Variants in TAF3 observed in about 807,000 individuals in gnomAD.
TAF3 encodes transcription initiation factor TFIID subunit 3.
In TAF3, 7 loss-of-function variants were observed where a neutral mutation model predicts 80.6. That is an observed-to-expected ratio of 0.09 (90% CI 0.05 to 0.16). The LOEUF (loss-of-function observed/expected upper bound fraction) is 0.16, where lower values mean the gene tolerates loss of function less well. Among genes scored for constraint, TAF3 ranks in the 10% least tolerant of loss-of-function variants. The pLI is 1.00. For missense variants in TAF3, 921 were observed against 1,140.2 expected (o/e 0.81, Z 2.77); for synonymous variants, 444 against 446.1 (o/e 1.00, Z 0.06).
intron 4 of TAF3, among the ~76,000 whole-genome samples, chr10:8,004,740 C>T (rs992808723): frequency 4.6e-5 from 7 of 152,104 alleles, no homozygotes; most frequent in Non-Finnish European, 1.0e-4. Flanking sequence ...TATAGCTTCA[C>T]TTTGATGTGC....
chr10:7,884,349 C>G (rs1265172404), intron 2 of TAF3, among the ~76,000 whole-genome samples: 1 of 150,310 alleles, frequency 6.7e-6, no homozygotes. Context: ...GTACTTCCAG[C>G]TTTAGCCCTG....
At position 7,868,438 on chromosome 10, in the gene TAF3, A is replaced by T. The variant is rs146775096; in HGVS notation, c.409+43878A>T. ...CCATCAGGAGTGGAGGCAGTGTGAC[A>T]TAGCAGCCAAGCTCTAGTGACCATC... On this transcript the variant is annotated intron_variant, in intron 2 of 6. Transcript: ENST00000344293. 3.7e-3 allele frequency among the ~76,000 whole-genome samples: 562 copies of T among 152,202 alleles called. 4 individuals are homozygous for T. Among genetic ancestry groups the T allele is most frequent in the South Asian group, 0.02 (94 of 4,808 alleles).
intron 2 of TAF3, among the ~76,000 whole-genome samples, chr10:7,895,319 G>C (rs754278215): frequency 6.6e-6 from 1 of 152,142 alleles, no homozygotes; most frequent in Non-Finnish European, 1.5e-5. Flanking sequence ...TGCTGTATCT[G>C]TACAGCAATG....
At chr10:7,890,617 C>T (rs1837449816) in intron 2 of TAF3, among the ~76,000 whole-genome samples, 1 of 152,182 alleles carries the variant, frequency 6.6e-6, no homozygotes, top group Admixed American at 6.5e-5. Flanking sequence ...AGAATTTAAC[C>T]TTGCTTTTCT....
At chr10:7,843,692 T>A (rs1261100741) in intron 2 of TAF3, among the ~76,000 whole-genome samples, 1 of 151,862 alleles carries the variant, frequency 6.6e-6, no homozygotes, top group East Asian at 1.9e-4. Context: ...ATAATTGTGT[T>A]GCTTAATTAT....
At chr10:7,936,906 C>T (rs1837926740) in intron 2 of TAF3, among the ~76,000 whole-genome samples, 1 of 152,020 alleles carries the variant, frequency 6.6e-6, no homozygotes, top group Non-Finnish European at 1.5e-5. Context: ...ATAATTTTAC[C>T]TTTCCCAGAA....
intron 4 of TAF3, among the ~76,000 whole-genome samples, chr10:8,001,571 T>C (rs1349594547): frequency 6.6e-6 from 1 of 152,252 alleles, no homozygotes; most frequent in Non-Finnish European, 1.5e-5. Flanking sequence ...TTTTATGCCA[T>C]ATAAAATTGT....
intron 2 of TAF3, among the ~76,000 whole-genome samples, chr10:7,878,714 TATG>T (rs1270323005): frequency 6.7e-6 from 1 of 150,250 alleles, no homozygotes; most frequent in Non-Finnish European, 1.5e-5. Flanking sequence ...TGTATGTATG[TATG>T]TATGTATGTA....
At chr10:7,821,093 A>G (rs1276623743) in intron 1 of TAF3, among the ~76,000 whole-genome samples, 2 of 152,208 alleles carry the variant, frequency 1.3e-5, no homozygotes, top group African/African-American at 4.8e-5. Context: ...AGGTATTCCA[A>G]AGTCATCCAG....
chr10:7,988,345 T>G (rs1000109437), intron 4 of TAF3, among the ~76,000 whole-genome samples: 25 of 151,676 alleles, frequency 1.6e-4, no homozygotes, highest in African/African-American at 6.1e-4. Flanking sequence ...ATCCTAACAC[T>G]TTGGGAGGCC....
chr10:7,850,163 C>G (rs1837013605), intron 2 of TAF3, among the ~76,000 whole-genome samples: 1 of 152,104 alleles, frequency 6.6e-6, no homozygotes, highest in South Asian at 2.1e-4. Context: ...GTGTTATTTT[C>G]TATTCTTAGT....
chr10:7,905,325 G>T (rs1347336369), intron 2 of TAF3, among the ~76,000 whole-genome samples: 1 of 152,152 alleles, frequency 6.6e-6, no homozygotes, highest in Non-Finnish European at 1.5e-5. Flanking sequence ...TTCAGGGGAA[G>T]CCAATGATTT....
chr10:7,984,121 A>G (rs1156649140), intron 4 of TAF3, among the ~76,000 whole-genome samples: 1 of 152,122 alleles, frequency 6.6e-6, no homozygotes, highest in Non-Finnish European at 1.5e-5. Context: ...TCCCAAACCC[A>G]TAGATCTTCA....
intron 2 of TAF3, among the ~76,000 whole-genome samples, chr10:7,918,005 G>C (rs955424424): frequency 7.2e-5 from 11 of 152,190 alleles, no homozygotes; most frequent in African/African-American, 2.4e-4. Context: ...CAGGAAGGTA[G>C]CTGGGCCGGG....
At chr10:7,869,428 TTATTG>T (rs1191219976) in intron 2 of TAF3, among the ~76,000 whole-genome samples, 1 of 152,220 alleles carries the variant, frequency 6.6e-6, no homozygotes, top group Non-Finnish European at 1.5e-5. Context: ...CCAGCTTATT[TTATTG>T]TGAAGGTCTT....
intron 4 of TAF3, among the ~76,000 whole-genome samples, chr10:8,007,178 C>T (rs189526848): frequency 2.3e-4 from 35 of 152,184 alleles, no homozygotes; most frequent in African/African-American, 8.4e-4. Flanking sequence ...CTTTGGCTTA[C>T]TAATACCATG....
chr10:7,819,085 G>A (rs1053811439), intron 1 of TAF3, among the ~76,000 whole-genome samples: 3 of 151,880 alleles, frequency 2.0e-5, no homozygotes, highest in Non-Finnish European at 4.4e-5. Flanking sequence ...CTAACTTCCC[G>A]CCACCAGCCC....
At chr10:7,830,085 G>A (rs1364829941) in intron 2 of TAF3, among the ~76,000 whole-genome samples, 2 of 151,946 alleles carry the variant, frequency 1.3e-5, no homozygotes, top group African/African-American at 4.8e-5. Context: ...GGGCTCCTCT[G>A]CATCTTCCCG....
At chr10:7,892,330 A>C (rs1837463768) in intron 2 of TAF3, among the ~76,000 whole-genome samples, 2 of 152,200 alleles carry the variant, frequency 1.3e-5, no homozygotes, top group African/African-American at 4.8e-5. Flanking sequence ...TGAGCTGCTG[A>C]GGAGCTTTCA....
Sources: allele counts gnomAD v4.1 joint callset (sites outside exome capture counted in the v4.1 genomes callset), GRCh38; gene constraint gnomAD v4.1.1; transcripts MANE v1.5; gene names NCBI Gene and HGNC (gene_info 2026-07-23, HGNC 2026-07-21).